FAM184B: variants seen among roughly 807,000 people sequenced by gnomAD.
FAM184B encodes the protein protein FAM184B.
A neutral mutation model predicts 135.9 loss-of-function variants in FAM184B; 111 were observed. The ratio of observed to expected loss-of-function variants is 0.82; its 90% CI spans 0.70 to 0.96. FAM184B has a LOEUF of 0.96. Ranked by LOEUF, FAM184B falls within the 40% of genes least tolerant of loss-of-function variation. The probability of loss-of-function intolerance (pLI) is 0.00; values close to 1 mark genes in which losing one functional copy is unlikely to be tolerated. For missense variants in FAM184B, 1,375 were observed against 1,323.9 expected, an observed-to-expected ratio of 1.04 and a Z score of -0.60; for synonymous variants, 552 against 524.8, an observed-to-expected ratio of 1.05 and a Z score of -0.71.
chr4:17,724,779 T>G (rs547508759), intron 1 of FAM184B, among the ~76,000 whole-genome samples: 38 of 152,288 alleles, frequency 2.5e-4, no homozygotes, highest in South Asian at 8.3e-4. Flanking sequence ...GGTAAGAAGA[T>G]TTGGCTTTGT....
intron 5 of FAM184B, among the ~76,000 whole-genome samples, chr4:17,701,943 T>A (rs1360517000): frequency 6.6e-6 from 1 of 152,226 alleles, no homozygotes; most frequent in Non-Finnish European, 1.5e-5. Flanking sequence ...ATTTAAATTT[T>A]ATTTGATTGT....
intron 1 of FAM184B, among the ~76,000 whole-genome samples, chr4:17,714,471 A>G (rs1227605430): frequency 6.6e-6 from 1 of 152,068 alleles, no homozygotes; most frequent in African/African-American, 2.4e-5. Context: ...GACCAGGGAG[A>G]AGGCCACCTA....
intron 1 of FAM184B, among the ~76,000 whole-genome samples, chr4:17,730,013 T>G (rs963084776): frequency 6.6e-6 from 1 of 151,922 alleles, no homozygotes; most frequent in Admixed American, 6.6e-5. Flanking sequence ...GTTAAAAACT[T>G]TGAAAAAAAA....
At chr4:17,750,970 C>T (rs573370916) in intron 1 of FAM184B, among the ~76,000 whole-genome samples, 1 of 152,258 alleles carries the variant, frequency 6.6e-6, no homozygotes, top group East Asian at 1.9e-4. Context: ...CCCAAGGAGA[C>T]ATCTGCTGAA....
In FAM184B at chr4:17,633,699, T is replaced by G. The variant is rs547445434; in HGVS notation, c.3079A>C (p.Thr1027Pro). The change falls in exon 17 of 18, where the codon ACT (threonine) becomes CCT (proline). Residue 1027 changes from threonine (T) to proline (P), a missense_variant. By Grantham distance (38) the Thr-to-Pro change is conservative. Coordinates refer to ENST00000265018, the MANE Select transcript of FAM184B (RefSeq NM_015688.2). ...CAACATCCCCCAAACCTTGTGGCAG[T>G]TTTTGCATCTGTAGACTGGTTGGGT... ...YKPNQSTDAK[T>P]ATRTPDGETA... 1.3e-6 allele frequency: 2 copies of G among 1,532,160 alleles called. No homozygotes were observed. Among genetic ancestry groups the G allele is most frequent in the Non-Finnish European group, 1.8e-6 (2 of 1,137,024 alleles). The allele number at this position is 1,532,160 out of a possible 1,614,324, so 94.9% of individuals were successfully genotyped here.
In FAM184B at chr4:17,664,631, G is replaced by C; in HGVS notation, c.1625C>G (p.Ser542Trp). 2 of 1,548,384 alleles carry C rather than the reference G, an allele frequency of 1.3e-6. No individual in the cohort carries two copies. Among genetic ancestry groups the C allele is most frequent in the Non-Finnish European group, 1.7e-6 (2 of 1,146,140 alleles). ...QDPCLKLDETSPRGEEYQDKL... is the reference protein window; with the variant it reads ...QDPCLKLDETWPRGEEYQDKL... ...ATCTTGATACTCCTCTCCTCTCGGCGAAGTTTCATCCAGCTTCAAGCATGG... is the reference window on the plus strand; with the variant it reads ...ATCTTGATACTCCTCTCCTCTCGGCCAAGTTTCATCCAGCTTCAAGCATGG... Residue 542 changes from serine (S) to tryptophan (W), a missense_variant, in exon 8 of 18, where the codon TCG (serine) becomes TGG (tryptophan). Ser to Trp is a radical substitution (Grantham distance 177). Transcript: ENST00000265018.
intron 1 of FAM184B, among the ~76,000 whole-genome samples, chr4:17,765,686 T>A (rs190521501): frequency 2.6e-5 from 4 of 152,356 alleles, no homozygotes; most frequent in Admixed American, 6.5e-5. Flanking sequence ...TTCTTGAAAT[T>A]ATGTAATTTA....
In FAM184B at chr4:17,632,628, A is replaced by G. The variant is rs771954179; in HGVS notation, c.3090-3T>C. On this transcript the variant is annotated splice_region_variant and splice_polypyrimidine_tract_variant and intron_variant, in intron 17 of 17. Coordinates refer to ENST00000265018, the MANE Select transcript of FAM184B (RefSeq NM_015688.2). The stretch of plus-strand genomic sequence containing the variant: ...GGGCCGTTTCACCATCTGGGGTCCT[A>G]AAAGCAAAAAAAGGTTTTTTTATAT... 5.4e-6 allele frequency: 8 copies of G among 1,490,858 alleles called. No homozygotes were observed. Among genetic ancestry groups the G allele is most frequent in the South Asian group, 3.7e-5 (3 of 81,782 alleles). 92.4% of individuals were successfully genotyped at this position (1,490,858 alleles called of 1,614,324 possible).
At chr4:17,684,711 C>A (rs1377327199) in intron 7 of FAM184B, among the ~76,000 whole-genome samples, 4 of 152,168 alleles carry the variant, frequency 2.6e-5, no homozygotes, top group African/African-American at 9.7e-5. Flanking sequence ...TGCTGCAACT[C>A]TATAGAGGAG....
chr4:17,658,598 C>T, intron 9 of FAM184B, 36 bp from the exon 10 acceptor site: 1 of 1,532,030 alleles, frequency 6.5e-7, no homozygotes, highest in Non-Finnish European at 8.8e-7. Flanking sequence ...GTCTAAGCCC[C>T]TTGCCTTTCC....
chr4:17,735,795 C>T (rs929636854), intron 1 of FAM184B, among the ~76,000 whole-genome samples: 4 of 152,276 alleles, frequency 2.6e-5, no homozygotes, highest in South Asian at 2.1e-4. Flanking sequence ...ACATTACAAC[C>T]GGAATAAATG....
chr4:17,658,297 T>C (rs866953594), intron 10 of FAM184B, 53 bp downstream of exon 10: 19 of 1,499,380 alleles, frequency 1.3e-5, no homozygotes, highest in Middle Eastern at 3.4e-4. Context: ...TGCATGGCAG[T>C]TCTCACCTAG....
rs140239779 is a variant in FAM184B at position 17,667,816 on chromosome 4, C to T, written c.1597-3157G>A. ...CATGCTTGGATGCTTGAATGCAGGG[C>T]ACCTGGTGCTGTTGCAGCTCTCACA... is the stretch of plus-strand genomic sequence containing the variant. On this transcript the variant is annotated intron_variant, in intron 7 of 17. Coordinates refer to ENST00000265018, the MANE Select transcript of FAM184B (RefSeq NM_015688.2). 7.9e-5 allele frequency among the ~76,000 whole-genome samples: 12 copies of T among 152,370 alleles called. No individual in the cohort carries two copies. The East Asian group carries it at 2.3e-3, about 29-fold the overall frequency.
chr4:17,676,401 C>G (rs1716309859), intron 7 of FAM184B, among the ~76,000 whole-genome samples: 1 of 152,108 alleles, frequency 6.6e-6, no homozygotes, highest in Admixed American at 6.6e-5. Flanking sequence ...TCACAGATCA[C>G]CTTATCAGAT....
intron 8 of FAM184B, 46 bp downstream of exon 8, chr4:17,664,516 G>C (rs1715998648): frequency 2.9e-6 from 4 of 1,362,880 alleles, no homozygotes; most frequent in Non-Finnish European, 3.1e-6. Context: ...CCACATCTGA[G>C]TCCTCATTCA....
At chr4:17,651,561 A>AAC (rs1553829627) in intron 11 of FAM184B, among the ~76,000 whole-genome samples, 1 of 150,982 alleles carries the variant, frequency 6.6e-6, no homozygotes, top group Admixed American at 6.6e-5. Flanking sequence ...AAAAAAAAAA[A>AAC]AAGAAGAAAA....
intron 1 of FAM184B, among the ~76,000 whole-genome samples, chr4:17,763,461 A>G (rs1281094594): frequency 6.6e-6 from 1 of 151,996 alleles, no homozygotes; most frequent in African/African-American, 2.4e-5. Context: ...TCTCCCTCAT[A>G]TTTATTTAGG....
chr4:17,680,345 A>G (rs1003926611), intron 7 of FAM184B, among the ~76,000 whole-genome samples: 4 of 152,160 alleles, frequency 2.6e-5, no homozygotes, highest in Non-Finnish European at 5.9e-5. Flanking sequence ...CACTAAATAT[A>G]TAATAGTTCT....
chr4:17,747,321 G>C (rs370059057), intron 1 of FAM184B, among the ~76,000 whole-genome samples: 43 of 152,220 alleles, frequency 2.8e-4, no homozygotes, highest in African/African-American at 9.6e-4. Context: ...GGCAGTTGAG[G>C]GGGTGTGGGG....
Sources: gnomAD v4.1 joint callset for allele counts (sites outside exome capture counted in the v4.1 genomes callset) on GRCh38, gnomAD v4.1.1 for gene constraint, MANE v1.5 for transcripts, NCBI Gene and HGNC (gene_info 2026-07-23, HGNC 2026-07-21) for gene names.